Variants in EHD3 observed in about 807,000 individuals in gnomAD.
EHD3 encodes the protein EH domain containing 3.
EHD3 carries 17 observed loss-of-function variants against 43.0 expected under a neutral mutation model. The ratio of observed to expected loss-of-function variants is 0.40; its 90% CI spans 0.27 to 0.59. The LOEUF (loss-of-function observed/expected upper bound fraction) is 0.59, where lower values mean the gene tolerates loss of function less well. Ranked by LOEUF, EHD3 falls within the 20% of genes least tolerant of loss-of-function variation. The pLI is 0.49. For missense variants in EHD3, 594 were observed against 705.6 expected (o/e 0.84, Z 1.79); for synonymous variants, 313 against 289.5 (o/e 1.08, Z -0.82).
At position 31,266,788 on chromosome 2, in the gene EHD3, AC is replaced by A. The variant is rs1558654010; in HGVS notation, c.*85del. The A allele has an allele frequency of 1.7e-3, 2,325 of 1,400,136 alleles. 11 individuals are homozygous for A. In the African/African-American group the frequency reaches 0.021, roughly 13 times the overall value. 86.7% of individuals were successfully genotyped at this position (1,400,136 alleles called of 1,614,324 possible). ...CACACACACACACACACACACACACACACACAAACATGCACACACACATATG... is the reference window on the plus strand; with the variant it reads ...CACACACACACACACACACACACACAACACAAACATGCACACACACATATG... On this transcript the variant is annotated 3_prime_UTR_variant, in exon 6 of 6. Transcript: ENST00000322054. The surrounding 1 kb of genome is among the most constrained non-coding windows in gnomAD (Gnocchi z 5.1).
Position 31,266,245 on chromosome 2 carries a change from C to T in EHD3, c.1149C>T (p.Asp383=), listed in dbSNP as rs777858365. 3.9e-5 allele frequency: 63 copies of T among 1,614,044 alleles called. No homozygotes were observed. The highest frequency in any genetic ancestry group is 1.6e-4 in the Middle Eastern group (1 of 6,084). Residue 383 remains aspartate, a synonymous_variant, in exon 6 of 6, where the codon GAC becomes GAT. Coordinates refer to ENST00000322054, the MANE Select transcript of EHD3 (RefSeq NM_014600.3). The surrounding 1 kb of genome is among the most constrained non-coding windows in gnomAD (Gnocchi z 5.1). ...AGAGCAAGCTGCTGGAGGTAGTGGA[C>T]GACATGCTGGCCCATGACATTGCCC... ...PLKSKLLEVV[D]DMLAHDIAQL...
intron 2 of EHD3, among the ~76,000 whole-genome samples, chr2:31,246,431 G>C (rs772822384): frequency 6.6e-6 from 1 of 152,132 alleles, no homozygotes; most frequent in Non-Finnish European, 1.5e-5. Context: ...CAGAGAGGAG[G>C]AGCTGGACCC....
chr2:31,253,810 G>A (rs1193300083), intron 3 of EHD3, among the ~76,000 whole-genome samples: 1 of 152,154 alleles, frequency 6.6e-6, no homozygotes, highest in African/African-American at 2.4e-5. Context: ...GTCTCTGGAT[G>A]CAGATGCATT....
rs766849329 is a variant in EHD3, at chr2:31,260,482, CA to C, written c.503-27del. 54 of 1,570,016 alleles carry C rather than the reference CA, an allele frequency of 3.4e-5. No individual in the cohort carries two copies. The highest frequency in any genetic ancestry group is 6.7e-5 in the African/African-American group (5 of 74,094). On this transcript the variant is annotated intron_variant, in intron 3 of 5. Coordinates refer to ENST00000322054, the MANE Select transcript of EHD3 (RefSeq NM_014600.3). This position sits in a 1 kb window ranked among gnomAD's most constrained non-coding sequence, Gnocchi z 4.6. ...CCCCTACCCTATACCCCAAAGGCCC[CA>C]GCCCCTGATTGTCCCTCTGCCGGCA...
chr2:31,239,837 C>G (rs1683384978), intron 1 of EHD3, among the ~76,000 whole-genome samples: 1 of 58,380 alleles, frequency 1.7e-5, no homozygotes, highest in South Asian at 9.2e-4. Flanking sequence ...CCTCTCCTCT[C>G]TCGAGCTGAC....
Position 31,261,648 on chromosome 2 carries a change from T to C in EHD3, c.1015T>C (p.Tyr339His). Residue 339 changes from tyrosine (Y) to histidine (H), a missense_variant, in exon 5 of 6, where the codon TAT (tyrosine) becomes CAT (histidine). Coordinates refer to ENST00000322054, the MANE Select transcript of EHD3 (RefSeq NM_014600.3). ...GCTGGTCAACAACCTGGCCGAGATCTATGGCCGGATCGAGCGGGAGCACCA... is the reference window on the plus strand; with the variant it reads ...GCTGGTCAACAACCTGGCCGAGATCCATGGCCGGATCGAGCGGGAGCACCA... ...KELVNNLAEI[Y>H]GRIEREHQIS... is the part of the protein sequence containing the mutation. 6.2e-7 allele frequency: 1 copy of C among 1,614,208 alleles called. No individual in the cohort carries two copies. Among genetic ancestry groups the C allele is most frequent in the African/African-American group, 1.3e-5 (1 of 75,054 alleles).
At chr2:31,251,222 C>G (rs1256109628) in intron 3 of EHD3, among the ~76,000 whole-genome samples, 4 of 152,212 alleles carry the variant, frequency 2.6e-5, no homozygotes, top group Non-Finnish European at 4.4e-5. Flanking sequence ...AAGCAGCTCT[C>G]TTCTGATGAG....
chr2:31,240,811 CCTCT>C (rs1683407573), intron 1 of EHD3, among the ~76,000 whole-genome samples: 1 of 152,170 alleles, frequency 6.6e-6, no homozygotes, highest in Admixed American at 6.5e-5. Context: ...TCTTTTCAGC[CCTCT>C]CTATTTCAGC....
intron 2 of EHD3, 96 bp downstream of exon 2, chr2:31,244,546 G>A: frequency 7.6e-7 from 1 of 1,317,308 alleles, no homozygotes; most frequent in Non-Finnish European, 1.0e-6. Context: ...GGGATGCTTG[G>A]TGCCTAGAGT....
Position 31,243,447 on chromosome 2 carries a change from TC to T in EHD3, c.228-826del, listed in dbSNP as rs1558647325. 8.7e-3 allele frequency among the ~76,000 whole-genome samples: 794 copies of T among 90,914 alleles called. 19 individuals carry two copies. Among genetic ancestry groups the T allele is most frequent in the African/African-American group, 0.033 (703 of 21,350 alleles). 59.6% of individuals were successfully genotyped at this position (90,914 alleles called of 152,430 possible). A position where few individuals can be genotyped will look rare whatever the true frequency, so the allele number is the denominator to read the frequency against. ...TTCTTTCTTTCTTTCTTTCTTTCTT[TC>T]TTTCTTTCTTTCTTTTTTTTTTTTT... is the stretch of plus-strand genomic sequence containing the variant. On this transcript the variant is annotated intron_variant, in intron 1 of 5. Transcript: ENST00000322054.
intron 3 of EHD3, among the ~76,000 whole-genome samples, chr2:31,252,004 C>G (rs909435036): frequency 2.6e-5 from 4 of 152,292 alleles, no homozygotes; most frequent in East Asian, 3.9e-4. Context: ...TGTGAACTCC[C>G]TGGGGGACGT....
Position 31,266,942 on chromosome 2 carries a change from T to C in EHD3, c.*238T>C, listed in dbSNP as rs562011219. 487 of 545,220 alleles carry C rather than the reference T, an allele frequency of 8.9e-4. 1 individual carries two copies. In the Middle Eastern group the frequency reaches 0.013, roughly 15 times the overall value. The allele number at this position is 545,220 out of a possible 1,614,324, so 33.8% of individuals were successfully genotyped here. A position where few individuals can be genotyped will look rare whatever the true frequency, so the allele number is the denominator to read the frequency against. On this transcript the variant is annotated 3_prime_UTR_variant, in exon 6 of 6. Transcript: ENST00000322054. This position sits in a 1 kb window ranked among gnomAD's most constrained non-coding sequence, Gnocchi z 5.1. ...AAGAGCACTCCCAGGCCCCAGAGTC[T>C]AAGCCTAAGTCTCTATCGCTCTTCC...
intron 5 of EHD3, 113 bp downstream of exon 5, chr2:31,261,826 ATC>A: frequency 7.0e-6 from 8 of 1,145,576 alleles, no homozygotes; most frequent in South Asian, 5.0e-5. Context: ...CCCGCCCAGA[ATC>A]TGCAGGCAAG....
At chr2:31,237,459 C>T (rs1320037279) in intron 1 of EHD3, among the ~76,000 whole-genome samples, 2 of 152,106 alleles carry the variant, frequency 1.3e-5, no homozygotes, top group South Asian at 2.1e-4. Flanking sequence ...GGCTGGAGTA[C>T]AATGGCACAA....
Position 31,266,263 on chromosome 2 carries a change from C to T in EHD3, c.1167C>T (p.Asp389=), listed in dbSNP as rs1231476737. The part of the protein sequence containing the change: ...LEVVDDMLAH[D]IAQLMVLVRQ... ...TAGTGGACGACATGCTGGCCCATGA[C>T]ATTGCCCAGCTCATGGTGCTAGTGC... Residue 389 remains aspartate, a synonymous_variant, in exon 6 of 6, where the codon GAC becomes GAT. Coordinates refer to ENST00000322054, the MANE Select transcript of EHD3 (RefSeq NM_014600.3). This position sits in a 1 kb window ranked among gnomAD's most constrained non-coding sequence, Gnocchi z 5.1. 1 of 1,614,188 alleles carries T rather than the reference C, an allele frequency of 6.2e-7. No individual in the cohort carries two copies. The highest frequency in any genetic ancestry group is 8.5e-7 in the Non-Finnish European group (1 of 1,180,038).
In EHD3 at chr2:31,234,859, C is replaced by G; in HGVS notation, c.227+11C>G. 1 of 1,613,850 alleles carries G rather than the reference C, an allele frequency of 6.2e-7. No homozygotes were observed. Among genetic ancestry groups the G allele is most frequent in the Non-Finnish European group, 8.5e-7 (1 of 1,179,818 alleles). ...GACCACCTTCATCAGGTGAGCCGGC[C>G]CAGGGTCCTGGCAGCCCACCCCGGA... is the stretch of plus-strand genomic sequence containing the variant. On this transcript the variant is annotated intron_variant, in intron 1 of 5. Transcript: ENST00000322054.
intron 5 of EHD3, among the ~76,000 whole-genome samples, chr2:31,263,287 C>T (rs1275969155): frequency 6.6e-6 from 1 of 152,194 alleles, no homozygotes; most frequent in African/African-American, 2.4e-5. Context: ...TGTAAGCAAA[C>T]ATTTGGGAAG....
intron 3 of EHD3, among the ~76,000 whole-genome samples, chr2:31,252,171 G>A (rs1183651964): frequency 2.0e-5 from 3 of 152,168 alleles, no homozygotes; most frequent in Non-Finnish European, 4.4e-5. Flanking sequence ...GTCCCCATGT[G>A]TAACAAGGGG....
chr2:31,249,295 G>A, intron 2 of EHD3, 76 bp from the exon 3 acceptor site: 1 of 1,318,660 alleles, frequency 7.6e-7, no homozygotes, highest in Non-Finnish European at 1.1e-6. Flanking sequence ...AGAGAGACAA[G>A]ACAGGTGGTT....
Sources: gnomAD v4.1 joint callset for allele counts (sites outside exome capture counted in the v4.1 genomes callset) on GRCh38, gnomAD v4.1.1 for gene constraint, Gnocchi (gnomAD v3.1) non-coding constraint, MANE v1.5 for transcripts, NCBI Gene and HGNC (gene_info 2026-07-23, HGNC 2026-07-21) for gene names.